Variants in DEUP1 observed in about 807,000 individuals in gnomAD.
DEUP1 encodes the protein coiled-coil domain containing 67.
DEUP1 carries 82 observed loss-of-function variants against 87.4 expected under a neutral mutation model. The observed-to-expected ratio is 0.94, with a 90% CI of 0.78 to 1.13. The LOEUF (loss-of-function observed/expected upper bound fraction) is 1.13. DEUP1 is among the 50% of genes most tolerant of loss of function. The probability of loss-of-function intolerance (pLI) is 0.00; values close to 1 mark genes in which losing one functional copy is unlikely to be tolerated. For missense variants in DEUP1, 663 were observed against 681.5 expected (o/e 0.97, Z 0.30); for synonymous variants, 214 against 222.7 (o/e 0.96, Z 0.35).
chr11:93,408,458 G>A, intron 12 of DEUP1, 31 bp downstream of exon 12: 7 of 1,288,550 alleles, frequency 5.4e-6, no homozygotes, highest in Non-Finnish European at 7.4e-6. Context: ...AAGGGCATAA[G>A]TTTAAAAACA....
At chr11:93,411,830 A>C (rs1591246092) in intron 12 of DEUP1, among the ~76,000 whole-genome samples, 1 of 152,252 alleles carries the variant, frequency 6.6e-6, no homozygotes, top group Non-Finnish European at 1.5e-5. Context: ...CAGTCAAACA[A>C]TCATTAAAAT....
chr11:93,380,689 C>T (rs1466486739), intron 7 of DEUP1, among the ~76,000 whole-genome samples: 2 of 152,104 alleles, frequency 1.3e-5, no homozygotes, highest in Non-Finnish European at 2.9e-5. Flanking sequence ...AGGAGTGAGC[C>T]ACCGCGCCCG....
At chr11:93,420,407 G>A (rs1277989981) in intron 13 of DEUP1, among the ~76,000 whole-genome samples, 4 of 152,174 alleles carry the variant, frequency 2.6e-5, no homozygotes, top group East Asian at 1.9e-4. Context: ...TTCATGGGAC[G>A]TATCTCAAAA....
intron 7 of DEUP1, among the ~76,000 whole-genome samples, chr11:93,377,945 G>A (rs1376539519): frequency 2.0e-5 from 3 of 151,854 alleles, no homozygotes; most frequent in Admixed American, 6.6e-5. Flanking sequence ...ATCCCTTTCA[G>A]CTTGTAGGAT....
At chr11:93,350,399 A>G (rs1167383706) in intron 2 of DEUP1, among the ~76,000 whole-genome samples, 1 of 152,232 alleles carries the variant, frequency 6.6e-6, no homozygotes, top group African/African-American at 2.4e-5. Flanking sequence ...CAATGGATGG[A>G]AAAGTTCTTC....
At chr11:93,343,765 T>C (rs993888639) in intron 2 of DEUP1, among the ~76,000 whole-genome samples, 1 of 152,234 alleles carries the variant, frequency 6.6e-6, no homozygotes, top group Non-Finnish European at 1.5e-5. Context: ...TATGGCGTTG[T>C]ACTTTATTTC....
At chr11:93,351,841 T>C (rs996176845) in intron 2 of DEUP1, among the ~76,000 whole-genome samples, 2 of 152,234 alleles carry the variant, frequency 1.3e-5, no homozygotes, top group African/African-American at 4.8e-5. Context: ...GAACATCATC[T>C]TTTTGGGCTG....
At chr11:93,388,566 A>G (rs1946663656) in intron 8 of DEUP1, among the ~76,000 whole-genome samples, 1 of 152,212 alleles carries the variant, frequency 6.6e-6, no homozygotes, top group South Asian at 2.1e-4. Flanking sequence ...CTCTGGTTAG[A>G]CTGTCAGAGT....
intron 2 of DEUP1, among the ~76,000 whole-genome samples, chr11:93,350,631 T>C (rs1944578403): frequency 1.3e-5 from 2 of 152,098 alleles, no homozygotes. Context: ...ATCAGTAGTG[T>C]ATGATAGATG....
At chr11:93,382,819 T>C (rs1280364215) in intron 7 of DEUP1, among the ~76,000 whole-genome samples, 2 of 152,250 alleles carry the variant, frequency 1.3e-5, no homozygotes, top group African/African-American at 4.8e-5. Flanking sequence ...ATTTCTTTTA[T>C]TATTGAAATG....
At chr11:93,358,728 G>A (rs948295264) in intron 4 of DEUP1, among the ~76,000 whole-genome samples, 1 of 152,100 alleles carries the variant, frequency 6.6e-6, no homozygotes, top group Non-Finnish European at 1.5e-5. Flanking sequence ...GATTACAGGT[G>A]CGCACCGCCA....
At chr11:93,386,299 C>A in intron 8 of DEUP1, among the ~76,000 whole-genome samples, 1 of 151,780 alleles carries the variant, frequency 6.6e-6, no homozygotes, top group South Asian at 2.1e-4. Context: ...ATTGTATATT[C>A]CATAAACACA....
intron 13 of DEUP1, among the ~76,000 whole-genome samples, chr11:93,429,113 A>G (rs1444965157): frequency 6.6e-6 from 1 of 152,018 alleles, no homozygotes; most frequent in East Asian, 1.9e-4. Flanking sequence ...TCTATTCTTG[A>G]TATAAGCCCT....
intron 9 of DEUP1, among the ~76,000 whole-genome samples, chr11:93,390,036 T>C (rs1946719473): frequency 3.3e-5 from 5 of 152,238 alleles, no homozygotes. Flanking sequence ...AATCCAGTAA[T>C]GGCCTTCTTT....
intron 4 of DEUP1, among the ~76,000 whole-genome samples, chr11:93,359,365 T>C (rs1301393759): frequency 6.6e-6 from 1 of 152,214 alleles, no homozygotes; most frequent in Admixed American, 6.5e-5. Flanking sequence ...TTTTTCCTTC[T>C]AACTATTATA....
intron 13 of DEUP1, among the ~76,000 whole-genome samples, chr11:93,429,145 T>C (rs1408412956): frequency 6.6e-6 from 1 of 152,222 alleles, no homozygotes; most frequent in African/African-American, 2.4e-5. Flanking sequence ...ATGTTGGTTT[T>C]GCCTTGTAAT....
At chr11:93,412,763 A>G (rs113091019) in intron 12 of DEUP1, among the ~76,000 whole-genome samples, 19 of 152,286 alleles carry the variant, frequency 1.2e-4, no homozygotes, top group African/African-American at 4.3e-4. Context: ...AGGTTCAGCT[A>G]AAGATTATAT....
chr11:93,354,175 G>A (rs1429433710), intron 2 of DEUP1, among the ~76,000 whole-genome samples: 1 of 152,082 alleles, frequency 6.6e-6, no homozygotes, highest in Non-Finnish European at 1.5e-5. Flanking sequence ...TCTCTCTCAA[G>A]TTCAAAGTTC....
At chr11:93,392,567 T>C (rs532361644) in intron 9 of DEUP1, among the ~76,000 whole-genome samples, 38 of 152,288 alleles carry the variant, frequency 2.5e-4, no homozygotes, top group African/African-American at 8.7e-4. Context: ...ACAACATTTA[T>C]TATATTTTTG....
Sources: gnomAD v4.1 joint callset for allele counts (sites outside exome capture counted in the v4.1 genomes callset) on GRCh38, gnomAD v4.1.1 for gene constraint, MANE v1.5 for transcripts, NCBI Gene and HGNC (gene_info 2026-07-23, HGNC 2026-07-21) for gene names.